The following GALNT10 variants were observed in gnomAD, a reference collection of about 807,000 sequenced individuals.
GALNT10 encodes the protein polypeptide N-acetylgalactosaminyltransferase 10.
GALNT10 carries 41 observed loss-of-function variants against 75.0 expected under a neutral mutation model. The ratio of observed to expected loss-of-function variants is 0.55; its 90% confidence interval spans 0.43 to 0.71. The LOEUF is 0.71. Ranked by LOEUF, GALNT10 falls within the 30% of genes least tolerant of loss-of-function variation. The probability of loss-of-function intolerance (pLI) is 0.00; values close to 1 mark genes in which losing one functional copy is unlikely to be tolerated. For missense variants in GALNT10, 727 were observed against 818.5 expected (o/e 0.89, Z 1.36); for synonymous variants, 302 against 313.0 (o/e 0.96, Z 0.37).
At chr5:154,221,731 A>G (rs1054053273) in intron 1 of GALNT10, among the ~76,000 whole-genome samples, 3 of 152,222 alleles carry the variant, frequency 2.0e-5, no homozygotes, top group Non-Finnish European at 4.4e-5. Context: ...AGGCAACCTC[A>G]AAAAGCCAGT....
intron 1 of GALNT10, among the ~76,000 whole-genome samples, chr5:154,211,278 C>A (rs1292704266): frequency 6.6e-6 from 1 of 152,058 alleles, no homozygotes; most frequent in Non-Finnish European, 1.5e-5. Flanking sequence ...GAGCTGGAGC[C>A]CCCACTATGG....
rs898793611 is a variant in GALNT10 at position 154,298,396 on chromosome 5, C to T, written c.401+317C>T. On this transcript the variant is annotated intron_variant, in intron 3 of 11. Coordinates refer to ENST00000297107, the MANE Select transcript of GALNT10 (RefSeq NM_198321.4). This position sits in a 1 kb window ranked among gnomAD's most constrained non-coding sequence, Gnocchi z 4.1. Reference sequence around the variant, plus strand: ...CAGTTTTTAACTTTCATTCTCTTCACTTTCTGTGTGATGTTTTTATTTCTT... The same window carrying T: ...CAGTTTTTAACTTTCATTCTCTTCATTTTCTGTGTGATGTTTTTATTTCTT... 2.0e-5 allele frequency among the ~76,000 whole-genome samples: 3 copies of T among 152,162 alleles called. No individual in the cohort carries two copies. The highest frequency in any genetic ancestry group is 7.2e-5 in the African/African-American group (3 of 41,428).
At chr5:154,366,276 T>C (rs1755472286) in intron 4 of GALNT10, among the ~76,000 whole-genome samples, 1 of 152,232 alleles carries the variant, frequency 6.6e-6, no homozygotes, top group South Asian at 2.1e-4. Flanking sequence ...GGAACATTAT[T>C]AGAATTTTTG....
At chr5:154,350,089 G>A (rs189987786) in intron 4 of GALNT10, among the ~76,000 whole-genome samples, 138 of 152,314 alleles carry the variant, frequency 9.1e-4, no homozygotes, top group Admixed American at 7.6e-3. Context: ...GACAAGTGTG[G>A]AACACATGAC....
chr5:154,225,206 C>T (rs928263914), intron 1 of GALNT10, among the ~76,000 whole-genome samples: 5 of 151,686 alleles, frequency 3.3e-5, no homozygotes, highest in Admixed American at 6.6e-5. Context: ...CATTCTCCTG[C>T]CTCAGCCTCC....
chr5:154,309,489 G>A (rs532937519), intron 3 of GALNT10, among the ~76,000 whole-genome samples: 4 of 152,232 alleles, frequency 2.6e-5, no homozygotes, highest in Non-Finnish European at 5.9e-5. Context: ...GAAGCAGGGA[G>A]ACTAGTTAGG....
At chr5:154,346,719 AT>A (rs967091785) in intron 4 of GALNT10, among the ~76,000 whole-genome samples, 32 of 150,196 alleles carry the variant, frequency 2.1e-4, no homozygotes, top group Middle Eastern at 3.4e-3. Flanking sequence ...AGTTGTGCCA[AT>A]TTTTTTTTTA....
chr5:154,315,368 G>A (rs909979561), intron 3 of GALNT10, among the ~76,000 whole-genome samples: 5 of 152,326 alleles, frequency 3.3e-5, no homozygotes, highest in Admixed American at 1.3e-4. Context: ...GTGGAGCCAC[G>A]GCACAGACAG....
chr5:154,302,623 A>G (rs1356136961), intron 3 of GALNT10, among the ~76,000 whole-genome samples: 1 of 152,188 alleles, frequency 6.6e-6, no homozygotes, highest in Non-Finnish European at 1.5e-5. Flanking sequence ...AAGATTATCC[A>G]TGGATATCCA....
At chr5:154,201,193 T>C (rs1314473511) in intron 1 of GALNT10, among the ~76,000 whole-genome samples, 1 of 152,080 alleles carries the variant, frequency 6.6e-6, no homozygotes, top group East Asian at 1.9e-4. Flanking sequence ...ACATTCGACT[T>C]TGGGAGCCCT....
At position 154,376,775 on chromosome 5, in the gene GALNT10, G is replaced by GC. The variant is rs1173118878; in HGVS notation, c.754+316dup. Among the ~76,000 whole-genome samples, 3 of 152,298 alleles carry GC rather than the reference G, an allele frequency of 2.0e-5. No homozygotes were observed. Among genetic ancestry groups the GC allele is most frequent in the Admixed American group, 6.5e-5 (1 of 15,302 alleles). On this transcript the variant is annotated intron_variant, in intron 5 of 11. Coordinates refer to ENST00000297107, the MANE Select transcript of GALNT10 (RefSeq NM_198321.4). The surrounding 1 kb of genome is among the most constrained non-coding windows in gnomAD (Gnocchi z 4.1). ...ATGACTTCATTTTATTGCAAAGCAA[G>GC]CCCGTGCTGTTTGCTGTTAATAGCC...
chr5:154,253,948 CTT>C (rs1159355564), intron 1 of GALNT10, among the ~76,000 whole-genome samples: 3 of 152,156 alleles, frequency 2.0e-5, no homozygotes, highest in African/African-American at 7.2e-5. Context: ...GCCCCGTCCC[CTT>C]CAGACCTGCT....
chr5:154,298,246 G>C lies in GALNT10; in HGVS notation c.401+167G>C, dbSNP rs1054072887. The stretch of plus-strand genomic sequence containing the variant: ...GTGTTGAGGGGTAGGAGATAATACT[G>C]TCTCTCCAGATGAGCCAGCCTCCTT... On this transcript the variant is annotated intron_variant, in intron 3 of 11. Transcript: ENST00000297107. This position sits in a 1 kb window ranked among gnomAD's most constrained non-coding sequence, Gnocchi z 4.1. Among the ~76,000 whole-genome samples, 1 of 152,144 alleles carries C rather than the reference G, an allele frequency of 6.6e-6. No individual in the cohort carries two copies. The highest frequency in any genetic ancestry group is 2.4e-5 in the African/African-American group (1 of 41,436).
chr5:154,411,429 T>C (rs566326878), intron 9 of GALNT10, among the ~76,000 whole-genome samples: 14 of 152,352 alleles, frequency 9.2e-5, no homozygotes, highest in South Asian at 2.1e-4. Flanking sequence ...TCTTGGATCC[T>C]GCACCCATCA....
intron 1 of GALNT10, among the ~76,000 whole-genome samples, chr5:154,193,254 T>C (rs1057501661): frequency 1.3e-5 from 2 of 152,192 alleles, no homozygotes; most frequent in Non-Finnish European, 2.9e-5. Flanking sequence ...AATGATAAGC[T>C]CTTCTAGGTG....
chr5:154,306,786 T>C (rs1200188180), intron 3 of GALNT10, among the ~76,000 whole-genome samples: 1 of 151,908 alleles, frequency 6.6e-6, no homozygotes, highest in Non-Finnish European at 1.5e-5. Context: ...ATTATGAAAT[T>C]ATGAGATTTC....
At chr5:154,249,940 C>T (rs1056337554) in intron 1 of GALNT10, among the ~76,000 whole-genome samples, 8 of 152,184 alleles carry the variant, frequency 5.3e-5, no homozygotes, top group Non-Finnish European at 7.3e-5. Context: ...TGAGCAGCAT[C>T]AGGCCTCCCT....
intron 7 of GALNT10, among the ~76,000 whole-genome samples, chr5:154,394,701 C>T (rs781526217): frequency 9.2e-5 from 14 of 152,318 alleles, no homozygotes; most frequent in East Asian, 1.9e-4. Context: ...AAGGCCAGCC[C>T]AAGCACCAGA....
At chr5:154,206,481 C>T (rs141714323) in intron 1 of GALNT10, among the ~76,000 whole-genome samples, 17 of 152,292 alleles carry the variant, frequency 1.1e-4, no homozygotes, top group African/African-American at 1.9e-4. Context: ...GGATGCAGTG[C>T]ATCAGGCAGA....
Sources: allele counts gnomAD v4.1 joint callset (sites outside exome capture counted in the v4.1 genomes callset), GRCh38; gene constraint gnomAD v4.1.1; non-coding constraint Gnocchi (gnomAD v3.1); transcripts MANE v1.5; gene names NCBI Gene and HGNC (gene_info 2026-07-23, HGNC 2026-07-21).